Variants in FAM171A1 observed in about 807,000 individuals in gnomAD.
FAM171A1 encodes family with sequence similarity 171 member A1.
In FAM171A1, 23 loss-of-function variants were observed where a neutral mutation model predicts 74.9. That is an observed-to-expected ratio of 0.31 (90% confidence interval 0.22 to 0.44). FAM171A1 has a LOEUF of 0.44. FAM171A1 is among the 20% of genes least tolerant of loss of function. FAM171A1 has a pLI of 1.00. For synonymous variants in FAM171A1, 527 were observed against 505.7 expected (o/e 1.04, Z -0.57); for missense variants, 1,162 against 1,159.2 (o/e 1.00, Z -0.03).
intron 2 of FAM171A1, among the ~76,000 whole-genome samples, chr10:15,279,111 TG>T (rs926787600): frequency 2.0e-5 from 3 of 152,112 alleles, no homozygotes; most frequent in African/African-American, 7.2e-5. Flanking sequence ...CTGACCGGTT[TG>T]GGGGGCTCGG....
At chr10:15,244,292 T>C (rs981838962) in intron 5 of FAM171A1, among the ~76,000 whole-genome samples, 1 of 151,830 alleles carries the variant, frequency 6.6e-6, no homozygotes, top group African/African-American at 2.4e-5. Context: ...GAGGCGGAGG[T>C]TGTAGTGAGC....
chr10:15,305,664 T>TAAAA (rs59843893), intron 1 of FAM171A1, among the ~76,000 whole-genome samples: 6,797 of 52,830 alleles, frequency 0.13, 1,432 homozygotes, highest in Non-Finnish European at 0.15. Flanking sequence ...GAGATCTGGC[T>TAAAA]AAAAAAAAAA....
chr10:15,301,204 G>A (rs1028283399), intron 1 of FAM171A1, among the ~76,000 whole-genome samples: 1 of 152,060 alleles, frequency 6.6e-6, no homozygotes, highest in Non-Finnish European at 1.5e-5. Context: ...AGACAGTCTG[G>A]CTCTATCGCC....
intron 3 of FAM171A1, among the ~76,000 whole-genome samples, chr10:15,266,605 C>A (rs1214384862): frequency 6.6e-6 from 1 of 152,030 alleles, no homozygotes; most frequent in African/African-American, 2.4e-5. Flanking sequence ...GTGGCTCACA[C>A]CTGTAACCCC....
intron 1 of FAM171A1, among the ~76,000 whole-genome samples, chr10:15,369,276 T>G (rs1836105072): frequency 6.7e-6 from 1 of 148,554 alleles, no homozygotes; most frequent in African/African-American, 2.6e-5. Context: ...GTGCATGAAT[T>G]TAATATTTCC....
chr10:15,274,699 T>C (rs1834870316), intron 3 of FAM171A1, among the ~76,000 whole-genome samples: 1 of 152,044 alleles, frequency 6.6e-6, no homozygotes, highest in Non-Finnish European at 1.5e-5. Context: ...TATAGACCAA[T>C]GGAACAGAAC....
intron 3 of FAM171A1, among the ~76,000 whole-genome samples, chr10:15,265,788 TC>T (rs978533748): frequency 5.9e-5 from 9 of 152,128 alleles, no homozygotes; most frequent in African/African-American, 2.2e-4. Flanking sequence ...CTTCTGGTTT[TC>T]ACCTTTAGTC....
intron 5 of FAM171A1, among the ~76,000 whole-genome samples, chr10:15,240,477 C>T (rs960746591): frequency 3.3e-5 from 5 of 152,244 alleles, no homozygotes; most frequent in African/African-American, 9.6e-5. Context: ...TGGTGTTAAT[C>T]TAGTTGATCA....
At chr10:15,260,200 C>T (rs1834637368) in intron 3 of FAM171A1, among the ~76,000 whole-genome samples, 1 of 152,178 alleles carries the variant, frequency 6.6e-6, no homozygotes. Context: ...ACCCAAAATG[C>T]ATGTCAAAAG....
At chr10:15,293,746 C>A (rs1326526913) in intron 1 of FAM171A1, among the ~76,000 whole-genome samples, 2 of 152,092 alleles carry the variant, frequency 1.3e-5, no homozygotes, top group Non-Finnish European at 2.9e-5. Flanking sequence ...TCACTGCATG[C>A]AAACTGGCCC....
chr10:15,342,139 T>C (rs1358628843), intron 1 of FAM171A1, among the ~76,000 whole-genome samples: 3 of 152,216 alleles, frequency 2.0e-5, no homozygotes, highest in Non-Finnish European at 2.9e-5. Context: ...CTAAGCAATC[T>C]ACGGGCAAGC....
intron 1 of FAM171A1, among the ~76,000 whole-genome samples, chr10:15,301,582 T>A (rs1334174406): frequency 1.3e-5 from 2 of 152,146 alleles, no homozygotes; most frequent in Admixed American, 1.3e-4. Flanking sequence ...CAGGCATGCT[T>A]GGTGCCTCTC....
At chr10:15,347,326 C>T (rs1049852434) in intron 1 of FAM171A1, among the ~76,000 whole-genome samples, 3 of 152,162 alleles carry the variant, frequency 2.0e-5, no homozygotes, top group African/African-American at 7.2e-5. Flanking sequence ...CCTAGGACAA[C>T]AGCAGTATTT....
At chr10:15,243,415 T>G (rs1038006290) in intron 5 of FAM171A1, among the ~76,000 whole-genome samples, 33 of 152,196 alleles carry the variant, frequency 2.2e-4, no homozygotes, top group African/African-American at 7.5e-4. Context: ...GATGCAGAGA[T>G]AGTTCCATCT....
At chr10:15,367,935 A>T (rs1257780123) in intron 1 of FAM171A1, among the ~76,000 whole-genome samples, 2 of 152,248 alleles carry the variant, frequency 1.3e-5, no homozygotes, top group Non-Finnish European at 1.5e-5. Context: ...CCTAAAGAGT[A>T]CATCTGCACA....
chr10:15,249,098 C>CTTTTT (rs71390024), intron 4 of FAM171A1, among the ~76,000 whole-genome samples: 1 of 133,886 alleles, frequency 7.5e-6, no homozygotes, highest in Non-Finnish European at 1.6e-5. Context: ...TTTCTTTTTT[C>CTTTTT]TTTTTTTTTT....
intron 5 of FAM171A1, among the ~76,000 whole-genome samples, chr10:15,244,822 T>C (rs920655454): frequency 2.0e-5 from 3 of 152,060 alleles, no homozygotes; most frequent in Admixed American, 1.3e-4. Flanking sequence ...TTCAAGCTGA[T>C]AGGACCATTG....
intron 1 of FAM171A1, among the ~76,000 whole-genome samples, chr10:15,320,338 TATG>T (rs1835472394): frequency 2.0e-5 from 3 of 152,248 alleles, no homozygotes; most frequent in Admixed American, 2.0e-4. Context: ...CCATGGCATA[TATG>T]TACCACACTG....
intron 1 of FAM171A1, among the ~76,000 whole-genome samples, chr10:15,310,798 T>G (rs892712721): frequency 6.6e-6 from 1 of 151,408 alleles, no homozygotes; most frequent in African/African-American, 2.4e-5. Context: ...AAGGCAGAAG[T>G]CGCAGTGCAT....
Sources: gnomAD v4.1 joint callset for allele counts (sites outside exome capture counted in the v4.1 genomes callset) on GRCh38, gnomAD v4.1.1 for gene constraint, MANE v1.5 for transcripts, NCBI Gene and HGNC (gene_info 2026-07-23, HGNC 2026-07-21) for gene names.